The following KCNJ6 variants were observed in gnomAD, a reference collection of about 807,000 sequenced individuals.
KCNJ6 encodes G protein-activated inward rectifier potassium channel 2.
KCNJ6 carries 9 observed loss-of-function variants against 34.2 expected under a neutral mutation model. The observed-to-expected ratio is 0.26, with a 90% confidence interval of 0.16 to 0.46. The LOEUF (loss-of-function observed/expected upper bound fraction) is 0.46, where lower values mean the gene tolerates loss of function less well. KCNJ6 is among the 20% of genes least tolerant of loss of function. The probability of loss-of-function intolerance (pLI) is 1.00; values close to 1 mark genes in which losing one functional copy is unlikely to be tolerated. For synonymous variants in KCNJ6, 196 were observed against 207.1 expected, an observed-to-expected ratio of 0.95 and a Z score of 0.46; for missense variants, 236 against 531.3, an observed-to-expected ratio of 0.44 and a Z score of 5.46.
chr21:37,640,682 A>G lies in KCNJ6; in HGVS notation c.947-15198T>C, dbSNP rs574129287. Among the ~76,000 whole-genome samples the G allele has an allele frequency of 1.3e-3, 195 of 152,328 alleles. 1 individual carries two copies. Among genetic ancestry groups the G allele is most frequent in the Middle Eastern group, 6.8e-3 (2 of 294 alleles). ...TGATGTCAGGGTTTACTTTACATAT[A>G]CTTGTTCTTTGGACATTTCAAAATA... is the stretch of plus-strand genomic sequence containing the variant. On this transcript the variant is annotated intron_variant, in intron 3 of 3. Transcript: ENST00000609713.
At chr21:37,668,611 C>G (rs1249403172) in intron 3 of KCNJ6, among the ~76,000 whole-genome samples, 1 of 152,134 alleles carries the variant, frequency 6.6e-6, no homozygotes, top group Non-Finnish European at 1.5e-5. Flanking sequence ...AGATACACCT[C>G]GGCCCACAGC....
At chr21:37,901,124 G>A (rs575605307) in intron 1 of KCNJ6, among the ~76,000 whole-genome samples, 14 of 152,188 alleles carry the variant, frequency 9.2e-5, no homozygotes, top group African/African-American at 3.4e-4. Flanking sequence ...AAAGGCTCAG[G>A]TAAAATAAAT....
At chr21:37,847,746 C>CAG (rs376943191) in intron 1 of KCNJ6, among the ~76,000 whole-genome samples, 17 of 127,828 alleles carry the variant, frequency 1.3e-4, no homozygotes, top group African/African-American at 1.2e-4. Context: ...AAGGGAGAGA[C>CAG]AGAGAGAGAG....
intron 2 of KCNJ6, among the ~76,000 whole-genome samples, chr21:37,799,236 T>G (rs1460996054): frequency 1.3e-5 from 2 of 152,198 alleles, no homozygotes; most frequent in South Asian, 2.1e-4. Context: ...TCCATGTTCC[T>G]GCAAAGGACA....
At chr21:37,906,397 G>C (rs2055841716) in intron 1 of KCNJ6, among the ~76,000 whole-genome samples, 1 of 152,210 alleles carries the variant, frequency 6.6e-6, no homozygotes, top group Non-Finnish European at 1.5e-5. Flanking sequence ...AAGGCTGTGA[G>C]AAGGGGCATT....
chr21:37,676,151 C>T (rs1281397462), intron 3 of KCNJ6, among the ~76,000 whole-genome samples: 1 of 152,102 alleles, frequency 6.6e-6, no homozygotes, highest in Non-Finnish European at 1.5e-5. Flanking sequence ...GGGGACTGAC[C>T]TTTGGCACAG....
rs953774042 is a variant in KCNJ6, at chr21:37,618,306, T to A, written c.*6853A>T. ...GTGATAAGACCCAAGACTGACATAC[T>A]CCATAAGGCATTCAGCCTGGACTAG... On this transcript the variant is annotated 3_prime_UTR_variant, in exon 4 of 4. Coordinates refer to ENST00000609713, the MANE Select transcript of KCNJ6 (RefSeq NM_002240.5). The A allele has an allele frequency of 6.6e-6, 1 of 152,166 alleles. No individual in the cohort carries two copies. Among genetic ancestry groups the A allele is most frequent in the African/African-American group, 2.4e-5 (1 of 41,442 alleles). 9.4% of individuals were successfully genotyped at this position (152,166 alleles called of 1,614,324 possible). A position where few individuals can be genotyped will look rare whatever the true frequency, so the allele number is the denominator to read the frequency against.
At chr21:37,902,324 T>C (rs1307831884) in intron 1 of KCNJ6, among the ~76,000 whole-genome samples, 1 of 152,232 alleles carries the variant, frequency 6.6e-6, no homozygotes, top group Non-Finnish European at 1.5e-5. Context: ...CTAGAATGGA[T>C]GTTTTTGCCA....
chr21:37,908,477 A>T (rs1283788669), intron 1 of KCNJ6, among the ~76,000 whole-genome samples: 1 of 152,212 alleles, frequency 6.6e-6, no homozygotes, highest in Non-Finnish European at 1.5e-5. Context: ...CAAAATGCAA[A>T]TTGCTAGTCA....
At chr21:37,811,890 G>A (rs1420214218) in intron 2 of KCNJ6, among the ~76,000 whole-genome samples, 3 of 152,074 alleles carry the variant, frequency 2.0e-5, no homozygotes, top group African/African-American at 7.2e-5. Flanking sequence ...GGGAGACATG[G>A]GAAACACACC....
intron 1 of KCNJ6, among the ~76,000 whole-genome samples, chr21:37,851,852 G>C (rs1313961088): frequency 6.6e-6 from 1 of 151,854 alleles, no homozygotes; most frequent in Admixed American, 6.6e-5. Flanking sequence ...ATACCAGCTA[G>C]GGACCTTGAT....
intron 2 of KCNJ6, among the ~76,000 whole-genome samples, chr21:37,767,397 C>T (rs1266551614): frequency 6.6e-6 from 1 of 152,130 alleles, no homozygotes; most frequent in Non-Finnish European, 1.5e-5. Flanking sequence ...CTGCAAGGGA[C>T]CTTAGAACAC....
chr21:37,848,947 T>C (rs3787857), intron 1 of KCNJ6, among the ~76,000 whole-genome samples: 4 of 151,998 alleles, frequency 2.6e-5, no homozygotes, highest in African/African-American at 9.6e-5. Flanking sequence ...CCCAGGGGAG[T>C]TGGTTTCTTG....
intron 1 of KCNJ6, among the ~76,000 whole-genome samples, chr21:37,889,322 T>C (rs1010031959): frequency 6.6e-6 from 1 of 152,240 alleles, no homozygotes; most frequent in African/African-American, 2.4e-5. Flanking sequence ...GAGCCTATCA[T>C]TTTATGATAA....
chr21:37,756,634 G>A (rs2055027266), intron 2 of KCNJ6, among the ~76,000 whole-genome samples: 1 of 149,940 alleles, frequency 6.7e-6, no homozygotes. Flanking sequence ...AGCCCAGAGT[G>A]AGCACTCCCT....
chr21:37,702,991 A>G (rs2054699322), intron 3 of KCNJ6, among the ~76,000 whole-genome samples: 2 of 152,094 alleles, frequency 1.3e-5, no homozygotes, highest in South Asian at 4.1e-4. Context: ...AGCCCATTTG[A>G]GATGGGAAGT....
At chr21:37,636,073 G>A (rs2054356650) in intron 3 of KCNJ6, among the ~76,000 whole-genome samples, 2 of 152,220 alleles carry the variant, frequency 1.3e-5, no homozygotes, top group South Asian at 4.1e-4. Context: ...AGAACGTGGA[G>A]TACTGATGTC....
At position 37,830,487 on chromosome 21, in the gene KCNJ6, A is replaced by C. The variant is rs147735745; in HGVS notation, c.25+10171T>G. On this transcript the variant is annotated intron_variant, in intron 2 of 3. Coordinates refer to ENST00000609713, the MANE Select transcript of KCNJ6 (RefSeq NM_002240.5). The stretch of plus-strand genomic sequence containing the variant: ...ATGTCTGAAGTCACCTTGTTGTCAT[A>C]CCTAGAGGGAGGGTGCTACTGGCTT... Among the ~76,000 whole-genome samples the C allele has an allele frequency of 3.2e-3, 489 of 152,178 alleles. 2 individuals carry two copies. The highest frequency in any genetic ancestry group is 0.011 in the African/African-American group (477 of 41,526).
intron 2 of KCNJ6, among the ~76,000 whole-genome samples, chr21:37,739,510 A>G (rs1344978964): frequency 1.3e-5 from 2 of 152,218 alleles, no homozygotes; most frequent in Non-Finnish European, 2.9e-5. Flanking sequence ...ATAATGTGAT[A>G]TAATAAGGGG....
Sources: gnomAD v4.1 joint callset for allele counts (sites outside exome capture counted in the v4.1 genomes callset) on GRCh38, gnomAD v4.1.1 for gene constraint, MANE v1.5 for transcripts, NCBI Gene and HGNC (gene_info 2026-07-23, HGNC 2026-07-21) for gene names.